TBPL2: variants seen among roughly 807,000 people sequenced by gnomAD.
TBPL2 encodes TATA box-binding protein-like 2.
TBPL2 carries 40 observed loss-of-function variants against 38.2 expected under a neutral mutation model. The ratio of observed to expected loss-of-function variants is 1.05; its 90% CI spans 0.81 to 1.36. TBPL2 has a LOEUF of 1.36. TBPL2 is among the 40% of genes most tolerant of loss of function. TBPL2 has a pLI of 0.00. For missense variants in TBPL2, 461 were observed against 456.7 expected, an observed-to-expected ratio of 1.01 and a Z score of -0.09; for synonymous variants, 169 against 171.7, an observed-to-expected ratio of 0.98 and a Z score of 0.12.
exon 2 of TBPL2, chr14:55,436,650 T>C: frequency 6.2e-7 from 1 of 1,614,200 alleles, no homozygotes; most frequent in South Asian, 1.1e-5. Flanking sequence ...AGTCGGAGTT[T>C]GGTTTCTCAG....
exon 2 of TBPL2, chr14:55,436,597 G>C (rs868333782): frequency 3.7e-6 from 6 of 1,614,176 alleles, no homozygotes; most frequent in Middle Eastern, 3.3e-4. Context: ...TTCTGAAATA[G>C]GGGTCATTGG....
At chr14:55,434,903 A>G (rs1029815791) in intron 3 of TBPL2, among the ~76,000 whole-genome samples, 7 of 152,172 alleles carry the variant, frequency 4.6e-5, no homozygotes, top group Admixed American at 1.3e-4. Flanking sequence ...ACTTTTTCCC[A>G]GTAGGAAGCA....
chr14:55,423,196 G>C (rs1185479118), intron 6 of TBPL2, among the ~76,000 whole-genome samples: 2 of 152,204 alleles, frequency 1.3e-5, no homozygotes, highest in Non-Finnish European at 1.5e-5. Flanking sequence ...AAAGTAGTGA[G>C]ATAATTTTTA....
chr14:55,423,737 G>C (rs78297851), intron 6 of TBPL2, among the ~76,000 whole-genome samples: 11,210 of 152,192 alleles, frequency 0.074, 420 homozygotes, highest in Non-Finnish European at 0.085. Flanking sequence ...TTCACACTAC[G>C]ATGGCAGTGC....
Position 55,425,954 on chromosome 14 carries a change from C to T in TBPL2, c.957-1701G>A, listed in dbSNP as rs559992621. Among the ~76,000 whole-genome samples, 64 of 152,212 alleles carry T rather than the reference C, an allele frequency of 4.2e-4. 2 individuals are homozygous for T. The South Asian group carries it at 9.1e-3, about 22-fold the overall frequency. On this transcript the variant is annotated intron_variant, in intron 5 of 6. Transcript: ENST00000247219. ...TTATTCATATAGCAAGTATTTATATCAGGATACCTTTGAATTAAAAATTAA... is the reference window on the plus strand; with the variant it reads ...TTATTCATATAGCAAGTATTTATATTAGGATACCTTTGAATTAAAAATTAA...
exon 2 of TBPL2, chr14:55,436,744 A>C (rs143279424): frequency 1.2e-5 from 19 of 1,614,088 alleles, no homozygotes; most frequent in Admixed American, 1.7e-5. Flanking sequence ...GCCCAGCCCA[A>C]CGTCCTGTTC....
chr14:55,422,911 T>C (rs1014954302), intron 6 of TBPL2, among the ~76,000 whole-genome samples: 5 of 151,894 alleles, frequency 3.3e-5, no homozygotes, highest in Non-Finnish European at 7.4e-5. Flanking sequence ...TAGAATGACA[T>C]AGAAAAGAGT....
At chr14:55,432,592 A>G (rs564551905) in intron 4 of TBPL2, among the ~76,000 whole-genome samples, 262 of 152,336 alleles carry the variant, frequency 1.7e-3, no homozygotes, top group South Asian at 6.6e-3. Context: ...CTGCACTTCT[A>G]AAAAGTTATT....
At chr14:55,435,462 G>T (rs541420514) in intron 3 of TBPL2, among the ~76,000 whole-genome samples, 1 of 152,190 alleles carries the variant, frequency 6.6e-6, no homozygotes, top group African/African-American at 2.4e-5. Flanking sequence ...TTTTAGTAGA[G>T]ACGGGATTTC....
chr14:55,428,114 C>CTTTT (rs1295728785), intron 5 of TBPL2, among the ~76,000 whole-genome samples: 1 of 91,992 alleles, frequency 1.1e-5, no homozygotes, highest in Non-Finnish European at 2.4e-5. Flanking sequence ...TTTCACATGC[C>CTTTT]TTATCTTTTT....
At chr14:55,424,330 T>G (rs778024973) in intron 5 of TBPL2, 77 bp from the exon 6 acceptor site, 24 of 869,790 alleles carry the variant, frequency 2.8e-5, no homozygotes, top group Middle Eastern at 2.2e-4. Context: ...GCCCAGTATA[T>G]TAAAGTGCAT....
chr14:55,416,807 C>T (rs920631053), intron 6 of TBPL2, among the ~76,000 whole-genome samples: 1 of 152,136 alleles, frequency 6.6e-6, no homozygotes, highest in African/African-American at 2.4e-5. Context: ...CACACATGCC[C>T]CTCTCCCAAA....
At chr14:55,435,145 A>G (rs1161063491) in intron 3 of TBPL2, among the ~76,000 whole-genome samples, 2 of 152,244 alleles carry the variant, frequency 1.3e-5, no homozygotes, top group Non-Finnish European at 2.9e-5. Flanking sequence ...TAAGCAGTTT[A>G]GCCTTCTCAG....
intron 4 of TBPL2, among the ~76,000 whole-genome samples, chr14:55,432,539 A>C (rs1471974051): frequency 6.6e-6 from 1 of 152,204 alleles, no homozygotes; most frequent in Non-Finnish European, 1.5e-5. Flanking sequence ...AAAACAAAAG[A>C]TAAATCTCTC....
At chr14:55,424,098 T>C (rs1293994872) in intron 6 of TBPL2, 61 bp downstream of exon 6, 6 of 1,171,704 alleles carry the variant, frequency 5.1e-6, no homozygotes, top group Non-Finnish European at 7.6e-6. Flanking sequence ...TTTAAAAGAA[T>C]AAGCAAAGCA....
rs780469323 is a variant in TBPL2, at chr14:55,424,144, A to C, written c.1051+15T>G. 3 of 1,589,454 alleles carry C rather than the reference A, an allele frequency of 1.9e-6. No homozygotes were observed. Among genetic ancestry groups the C allele is most frequent in the African/African-American group, 2.7e-5 (2 of 74,294 alleles). On this transcript the variant is annotated intron_variant, in intron 6 of 6. Coordinates refer to ENST00000247219, the Ensembl canonical transcript of TBPL2. The stretch of plus-strand genomic sequence containing the variant: ...AATTACATTTTATGAGTCAGAAAAT[A>C]ATCTTAGCACTTACCTGTCAACACA...
Position 55,433,390 on chromosome 14 carries a change from C to T in TBPL2, c.788+240G>A, listed in dbSNP as rs533983540. ...CTGGTCTCAAACTCCTGGGCTCAAG[C>T]GATCCTCCTGCTTAGGCCTCCCAAA... On this transcript the variant is annotated intron_variant, in intron 4 of 6. Coordinates refer to ENST00000247219, the Ensembl canonical transcript of TBPL2. Among the ~76,000 whole-genome samples, 4 of 147,314 alleles carry T rather than the reference C, an allele frequency of 2.7e-5. No individual in the cohort carries two copies. In the East Asian group the frequency reaches 8.0e-4, roughly 29 times the overall value.
intron 4 of TBPL2, among the ~76,000 whole-genome samples, chr14:55,430,203 C>A (rs911565876): frequency 6.6e-6 from 1 of 152,106 alleles, no homozygotes. Flanking sequence ...TTCCACCCCC[C>A]TCATGGGTTT....
intron 1 of TBPL2, among the ~76,000 whole-genome samples, chr14:55,438,122 G>A (rs545807662): frequency 1.7e-3 from 259 of 152,272 alleles, no homozygotes; most frequent in African/African-American, 5.7e-3. Context: ...TTTGAGCACT[G>A]CTTGCAGGAG....
Sources: gnomAD v4.1 joint callset for allele counts (sites outside exome capture counted in the v4.1 genomes callset) on GRCh38, gnomAD v4.1.1 for gene constraint, MANE v1.5 for transcripts, NCBI Gene and HGNC (gene_info 2026-07-23, HGNC 2026-07-21) for gene names.